WWOX: variants seen among roughly 807,000 people sequenced by gnomAD.
WWOX encodes WW domain-containing oxidoreductase.
In WWOX, 69 loss-of-function variants were observed where a neutral mutation model predicts 46.2. The ratio of observed to expected loss-of-function variants is 1.49; its 90% CI spans 1.23 to 1.82. The LOEUF (loss-of-function observed/expected upper bound fraction) is 1.82. Among genes scored for constraint, WWOX ranks in the 40% most tolerant of loss-of-function variants. The pLI is 0.00. For missense variants in WWOX, 919 were observed against 542.6 expected (o/e 1.69, Z -6.89); for synonymous variants, 359 against 202.6 (o/e 1.77, Z -6.56).
chr16:79,001,736 A>AG (rs2047096842), intron 8 of WWOX, among the ~76,000 whole-genome samples: 1 of 150,874 alleles, frequency 6.6e-6, no homozygotes, highest in Non-Finnish European at 1.5e-5. Context: ...GGAAATGTGG[A>AG]GGAAGGGGGC....
chr16:78,206,604 A>G (rs1025666587), intron 5 of WWOX, among the ~76,000 whole-genome samples: 3 of 152,160 alleles, frequency 2.0e-5, no homozygotes, highest in African/African-American at 7.2e-5. Flanking sequence ...ACCCTATTCT[A>G]TTTTTAATTC....
At chr16:78,791,811 C>G (rs899305847) in intron 8 of WWOX, among the ~76,000 whole-genome samples, 7 of 152,016 alleles carry the variant, frequency 4.6e-5, no homozygotes, top group Non-Finnish European at 1.0e-4. Flanking sequence ...ACCGGAGAGG[C>G]AGAGGTTGCA....
At chr16:78,268,365 T>A (rs2079410045) in intron 5 of WWOX, among the ~76,000 whole-genome samples, 1 of 152,208 alleles carries the variant, frequency 6.6e-6, no homozygotes, top group Admixed American at 6.5e-5. Flanking sequence ...TGGGTTGCCA[T>A]CTTGGCCAAG....
At chr16:78,625,378 C>T (rs895525067) in intron 8 of WWOX, among the ~76,000 whole-genome samples, 2 of 152,158 alleles carry the variant, frequency 1.3e-5, no homozygotes, top group Admixed American at 6.5e-5. Flanking sequence ...CTGAAATTCA[C>T]CCCCACACAA....
At chr16:78,522,424 T>A (rs878884999) in intron 8 of WWOX, among the ~76,000 whole-genome samples, 1 of 152,172 alleles carries the variant, frequency 6.6e-6, no homozygotes, top group Non-Finnish European at 1.5e-5. Context: ...TCTCCTCTGT[T>A]TGCACAGTAG....
chr16:78,742,101 A>G (rs997180206), intron 8 of WWOX, among the ~76,000 whole-genome samples: 1 of 151,980 alleles, frequency 6.6e-6, no homozygotes, highest in Non-Finnish European at 1.5e-5. Flanking sequence ...GCCCCTATTT[A>G]CCTTTATCTT....
intron 8 of WWOX, among the ~76,000 whole-genome samples, chr16:78,743,532 T>A (rs757764748): frequency 1.3e-5 from 2 of 152,114 alleles, no homozygotes; most frequent in Non-Finnish European, 2.9e-5. Flanking sequence ...TGATTCACGT[T>A]GACTTTGTAT....
chr16:79,094,834 A>G (rs1555526473), intron 8 of WWOX, among the ~76,000 whole-genome samples: 1 of 152,170 alleles, frequency 6.6e-6, no homozygotes, highest in Non-Finnish European at 1.5e-5. Context: ...AAAGGAGCCC[A>G]ATATTTATTG....
intron 8 of WWOX, among the ~76,000 whole-genome samples, chr16:78,692,088 G>A (rs1005721384): frequency 2.0e-5 from 3 of 152,182 alleles, no homozygotes; most frequent in Admixed American, 6.5e-5. Flanking sequence ...TGTAAGTCCA[G>A]TTAAACCTCT....
chr16:78,415,890 G>C (rs2082786491), intron 6 of WWOX, among the ~76,000 whole-genome samples: 1 of 152,108 alleles, frequency 6.6e-6, no homozygotes, highest in African/African-American at 2.4e-5. Flanking sequence ...GGCTCTAGTT[G>C]AAGGGGTTGC....
At chr16:78,961,038 A>G (rs2046261359) in intron 8 of WWOX, among the ~76,000 whole-genome samples, 3 of 152,172 alleles carry the variant, frequency 2.0e-5, no homozygotes, top group Admixed American at 1.3e-4. Flanking sequence ...AATCAGCTCC[A>G]TACATCTGGG....
intron 8 of WWOX, among the ~76,000 whole-genome samples, chr16:79,086,227 A>G (rs1252671996): frequency 6.6e-6 from 1 of 152,212 alleles, no homozygotes; most frequent in Non-Finnish European, 1.5e-5. Flanking sequence ...ATAAATGTTA[A>G]TTGAGCATTT....
At chr16:78,434,510 G>C (rs770444991) in intron 8 of WWOX, among the ~76,000 whole-genome samples, 1 of 152,200 alleles carries the variant, frequency 6.6e-6, no homozygotes, top group Non-Finnish European at 1.5e-5. Flanking sequence ...GAGGCATTTA[G>C]GAATGGGGAG....
chr16:78,180,321 C>G (rs11862871), intron 5 of WWOX, among the ~76,000 whole-genome samples: 32,527 of 152,038 alleles, frequency 0.21, 3,480 homozygotes, highest in Middle Eastern at 0.26. Flanking sequence ...GAATGAACAG[C>G]TTAAAAGGCT....
At chr16:79,155,719 A>G (rs1411197673) in intron 8 of WWOX, among the ~76,000 whole-genome samples, 7 of 152,136 alleles carry the variant, frequency 4.6e-5, no homozygotes, top group African/African-American at 1.7e-4. Context: ...CTACATTCCT[A>G]AGAAGCTCCT....
chr16:78,296,260 C>T (rs1283921064), intron 5 of WWOX, among the ~76,000 whole-genome samples: 2 of 151,372 alleles, frequency 1.3e-5, no homozygotes, highest in South Asian at 2.1e-4. Context: ...TTGGATGTAC[C>T]GCCACAGATG....
intron 5 of WWOX, among the ~76,000 whole-genome samples, chr16:78,295,015 GGGTTGTCCCCTGCCCA>G (rs1218956337): frequency 2.0e-5 from 3 of 152,140 alleles, no homozygotes; most frequent in Non-Finnish European, 4.4e-5. Flanking sequence ...TCAGAAGTCT[GGGTTGTCCCCTGCCCA>G]GGACAGGCTC....
chr16:78,580,033 T>G (rs1160879969), intron 8 of WWOX, among the ~76,000 whole-genome samples: 1 of 152,116 alleles, frequency 6.6e-6, no homozygotes, highest in Non-Finnish European at 1.5e-5. Flanking sequence ...CAAAGCCTAT[T>G]GAAAGCAAGG....
chr16:78,332,895 C>G (rs755810009), intron 5 of WWOX, among the ~76,000 whole-genome samples: 2 of 152,064 alleles, frequency 1.3e-5, no homozygotes, highest in Non-Finnish European at 1.5e-5. Context: ...GCAATGCAAA[C>G]TAAGATGTTT....
Sources: gnomAD v4.1 joint callset for allele counts (sites outside exome capture counted in the v4.1 genomes callset) on GRCh38, gnomAD v4.1.1 for gene constraint, MANE v1.5 for transcripts, NCBI Gene and HGNC (gene_info 2026-07-23, HGNC 2026-07-21) for gene names.